PPP2R2B: variants seen among roughly 807,000 people sequenced by gnomAD.
PPP2R2B encodes serine/threonine-protein phosphatase 2A 55 kDa regulatory subunit B beta isoform.
Under a neutral mutation model 46.0 loss-of-function variants are expected in PPP2R2B, and 5 were observed. The ratio of observed to expected loss-of-function variants is 0.11; its 90% CI spans 0.06 to 0.23. PPP2R2B has a LOEUF of 0.23. PPP2R2B is among the 10% of genes least tolerant of loss of function. PPP2R2B has a pLI of 1.00. For missense variants in PPP2R2B, 367 were observed against 575.0 expected, an observed-to-expected ratio of 0.64 and a Z score of 3.70; for synonymous variants, 215 against 206.7, an observed-to-expected ratio of 1.04 and a Z score of -0.34.
At chr5:146,953,056 A>C (rs902186989) in intron 1 of PPP2R2B, among the ~76,000 whole-genome samples, 1 of 152,206 alleles carries the variant, frequency 6.6e-6, no homozygotes, top group African/African-American at 2.4e-5. Flanking sequence ...CCCTGGCTTC[A>C]CAAGCCAAAA....
chr5:146,825,649 T>A (rs1758532642), intron 2 of PPP2R2B, among the ~76,000 whole-genome samples: 1 of 152,228 alleles, frequency 6.6e-6, no homozygotes, highest in Admixed American at 6.5e-5. Context: ...TATTAGCTGA[T>A]AACCTGGTTG....
At chr5:147,017,817 T>C (rs1301264495) in intron 1 of PPP2R2B, among the ~76,000 whole-genome samples, 1 of 152,130 alleles carries the variant, frequency 6.6e-6, no homozygotes, top group Non-Finnish European at 1.5e-5. Flanking sequence ...GATGATGTCA[T>C]GTAAACAAAT....
At chr5:146,867,339 G>A (rs1761370001) in intron 2 of PPP2R2B, among the ~76,000 whole-genome samples, 1 of 152,104 alleles carries the variant, frequency 6.6e-6, no homozygotes, top group Non-Finnish European at 1.5e-5. Flanking sequence ...CTAATCAGCA[G>A]ATCCATACTC....
At chr5:146,943,578 G>A (rs1348752864) in intron 1 of PPP2R2B, among the ~76,000 whole-genome samples, 1 of 152,016 alleles carries the variant, frequency 6.6e-6, no homozygotes, top group African/African-American at 2.4e-5. Context: ...GCACATTTGG[G>A]CCTTTTGATT....
chr5:146,853,716 T>C (rs1475725467), intron 2 of PPP2R2B, among the ~76,000 whole-genome samples: 1 of 152,076 alleles, frequency 6.6e-6, no homozygotes, highest in African/African-American at 2.4e-5. Flanking sequence ...ACCATCTCCA[T>C]CTTCCACAGA....
intron 2 of PPP2R2B, among the ~76,000 whole-genome samples, chr5:147,076,915 T>G (rs1249419077): frequency 6.6e-6 from 1 of 151,924 alleles, no homozygotes; most frequent in Non-Finnish European, 1.5e-5. Flanking sequence ...ACAGTATCAT[T>G]CATTTAAAGT....
chr5:146,699,238 G>A lies in PPP2R2B; in HGVS notation c.169-1094C>T, dbSNP rs139089955. On this transcript the variant is annotated intron_variant, in intron 3 of 9. Coordinates refer to ENST00000394411, the MANE Select transcript of PPP2R2B (RefSeq NM_181675.4). ...GACCAGTGAGAGTGCTGAACCCTGG[G>A]TGTGTAATGTATTTGTGCAGACTCT... Among the ~76,000 whole-genome samples, 474 of 152,258 alleles carry A rather than the reference G, an allele frequency of 3.1e-3. 7 individuals are homozygous for A. The highest frequency in any genetic ancestry group is 0.011 in the African/African-American group (444 of 41,536).
chr5:146,929,896 A>G (rs1023307345), intron 1 of PPP2R2B, among the ~76,000 whole-genome samples: 1 of 152,204 alleles, frequency 6.6e-6, no homozygotes, highest in Non-Finnish European at 1.5e-5. Flanking sequence ...ATATAAGTAA[A>G]GAGGGCCTAA....
At position 146,705,980 on chromosome 5, in the gene PPP2R2B, A is replaced by AAAAAC. The variant is rs1189787768; in HGVS notation, c.71-4843_71-4839dup. Among the ~76,000 whole-genome samples the AAAAAC allele has an allele frequency of 1.5e-4, 23 of 151,110 alleles. No individual in the cohort carries two copies. In the East Asian group the frequency reaches 2.9e-3, roughly 19 times the overall value. On this transcript the variant is annotated intron_variant, in intron 2 of 9. Transcript: ENST00000394411. ...CTAGCTGAGGTTTTATTTTGGACAG[A>AAAAAC]AAAACAAAACAAAACAAAACAAAAA...
At position 146,920,645 on chromosome 5, in the gene PPP2R2B, C is replaced by T. The variant is rs185237442; in HGVS notation, c.79+135020G>A. On this transcript the variant is annotated intron_variant, in intron 1 of 8. Coordinates refer to the PPP2R2B transcript ENST00000336640. The stretch of plus-strand genomic sequence containing the variant: ...GGCTTTTCATGATGGCTTGCTGGTA[C>T]GTGTGTACATGGAAGGAAGAGGCTG... 3.4e-3 allele frequency among the ~76,000 whole-genome samples: 515 copies of T among 152,232 alleles called. 3 individuals carry two copies. The highest frequency in any genetic ancestry group is 0.011 in the African/African-American group (469 of 41,536).
At chr5:147,008,617 T>G (rs901277420) in intron 1 of PPP2R2B, among the ~76,000 whole-genome samples, 1 of 152,182 alleles carries the variant, frequency 6.6e-6, no homozygotes, top group Non-Finnish European at 1.5e-5. Flanking sequence ...ATCTTATTCA[T>G]GCTTTGAGAT....
intron 1 of PPP2R2B, among the ~76,000 whole-genome samples, chr5:146,910,461 C>A (rs1446755646): frequency 6.6e-6 from 1 of 152,178 alleles, no homozygotes; most frequent in East Asian, 1.9e-4. Context: ...TACAAACATG[C>A]AGTGAATACC....
At chr5:146,741,284 AG>A (rs1343209694) in intron 2 of PPP2R2B, among the ~76,000 whole-genome samples, 6 of 152,226 alleles carry the variant, frequency 3.9e-5, no homozygotes, top group African/African-American at 1.4e-4. Flanking sequence ...AGTACAGGAC[AG>A]AGATGAGCTT....
chr5:146,949,676 G>A (rs937349907), intron 1 of PPP2R2B, among the ~76,000 whole-genome samples: 1 of 152,014 alleles, frequency 6.6e-6, no homozygotes, highest in Non-Finnish European at 1.5e-5. Context: ...TATCCCCAAA[G>A]AAAGGAAATC....
rs1554109071 is a variant in PPP2R2B, at chr5:146,585,267, C to CACACACACAT, written c.*4679_*4680insATGTGTGTGT. On this transcript the variant is annotated 3_prime_UTR_variant, in exon 10 of 10. Transcript: ENST00000394411. The stretch of plus-strand genomic sequence containing the variant: ...ACTTCCATCTACATGCATACACACA[C>CACACACACAT]ACACACACACACACACACACACACA... 7 of 148,204 alleles carry CACACACACAT rather than the reference C, an allele frequency of 4.7e-5. No individual in the cohort carries two copies. The highest frequency in any genetic ancestry group is 1.8e-4 in the African/African-American group (7 of 38,854). The allele number at this position is 148,204 out of a possible 1,614,324, so 9.2% of individuals were successfully genotyped here. A position where few individuals can be genotyped will look rare whatever the true frequency, so the allele number is the denominator to read the frequency against.
upstream of PPP2R2B, chr5:146,878,828 C>G: frequency 8.0e-7 from 1 of 1,254,392 alleles, no homozygotes; most frequent in Non-Finnish European, 1.0e-6. The surrounding 1 kb of genome is among the most constrained non-coding windows in gnomAD (Gnocchi z 4.5). Context: ...CCCCACGACT[C>G]TTTCCCAGCA....
chr5:146,647,528 G>C (rs927352304), intron 6 of PPP2R2B, among the ~76,000 whole-genome samples: 3 of 152,160 alleles, frequency 2.0e-5, no homozygotes, highest in Non-Finnish European at 2.9e-5. Context: ...TTTACATATG[G>C]CTGCTTTAAG....
upstream of PPP2R2B, among the ~76,000 whole-genome samples, chr5:146,882,418 A>G (rs1762197348): frequency 6.6e-6 from 1 of 152,184 alleles, no homozygotes; most frequent in South Asian, 2.1e-4. Flanking sequence ...ATATCGACAG[A>G]CTATAGTGCA....
chr5:146,687,583 G>A (rs115381412), intron 5 of PPP2R2B, among the ~76,000 whole-genome samples: 149 of 152,188 alleles, frequency 9.8e-4, no homozygotes, highest in African/African-American at 3.1e-3. Flanking sequence ...GTGAGAAAAC[G>A]CTTGTAATAG....
Sources: allele counts gnomAD v4.1 joint callset (sites outside exome capture counted in the v4.1 genomes callset), GRCh38; gene constraint gnomAD v4.1.1; non-coding constraint Gnocchi (gnomAD v3.1); transcripts MANE v1.5; gene names NCBI Gene and HGNC (gene_info 2026-07-23, HGNC 2026-07-21).